Variants in FGA observed in about 807,000 individuals in gnomAD.
FGA encodes the protein fibrinogen alpha chain.
Under a neutral mutation model 20.3 loss-of-function variants are expected in FGA, and 20 were observed. The ratio of observed to expected loss-of-function variants is 0.99; its 90% confidence interval spans 0.69 to 1.43. FGA has a LOEUF of 1.43. Among genes scored for constraint, FGA ranks in the 40% most tolerant of loss-of-function variants. FGA has a pLI of 0.00. For missense variants in FGA, 777 were observed against 784.7 expected (o/e 0.99, Z 0.12); for synonymous variants, 306 against 281.6 (o/e 1.09, Z -0.87).
In FGA at chr4:154,590,570, T is replaced by G. The variant is rs1168276925; in HGVS notation, c.54+64A>C. 4 of 1,359,086 alleles carry G rather than the reference T, an allele frequency of 2.9e-6. No homozygotes were observed. The African/African-American group carries it at 5.8e-5, about 20-fold the overall frequency. 84.2% of individuals were successfully genotyped at this position (1,359,086 alleles called of 1,614,324 possible). A position where few individuals can be genotyped will look rare whatever the true frequency, so the allele number is the denominator to read the frequency against. On this transcript the variant is annotated intron_variant, in intron 1 of 4. Transcript: ENST00000403106. ...GACATAGAGCAGGTAGACTCTGACC[T>G]CCAGGCTCTTTGTGGAATAAACACC...
At chr4:154,588,017 A>G (rs773776789) in intron 3 of FGA, among the ~76,000 whole-genome samples, 1 of 152,232 alleles carries the variant, frequency 6.6e-6, no homozygotes, top group Non-Finnish European at 1.5e-5. Context: ...TAAAGGTGTA[A>G]TTTGGAGTTA....
rs1301255964 is a variant in FGA, at chr4:154,590,648, C to T, written c.40G>A (p.Val14Met). 2.6e-6 allele frequency: 4 copies of T among 1,558,280 alleles called. No individual in the cohort carries two copies. In the Admixed American group the frequency reaches 7.7e-5, roughly 30 times the overall value. ...AAGGGCCATACCCATGCTGTGCCCA[C>T]CACACTTAGGACCAGGCAGACGATC... The part of the protein sequence containing the change: ...MRIVCLVLSV[V>M]GTAWTADSGE... Residue 14 changes from valine (V) to methionine (M), a missense_variant, in exon 1 of 5, where the codon GTG becomes ATG. Val to Met is a conservative substitution (Grantham distance 21, BLOSUM62 1). Transcript: ENST00000403106.
At position 154,586,259 on chromosome 4, in the gene FGA, A is replaced by G. The variant is rs766734861; in HGVS notation, c.1170T>C (p.Ser390=). Residue 390 remains serine, a synonymous_variant, in exon 5 of 5, where the codon TCT becomes TCC. Coordinates refer to ENST00000403106, the MANE Select transcript of FGA (RefSeq NM_021871.4). ...CTGGGCTATCTGGCCTAAAACTTCC[A>G]GATTCAGAGTGCCATTGTCCAGTAC... ...SGSTGQWHSE[S]GSFRPDSPGS... is the part of the protein sequence containing the mutation. 6 of 1,614,012 alleles carry G rather than the reference A, an allele frequency of 3.7e-6. No individual in the cohort carries two copies. The highest frequency in any genetic ancestry group is 5.1e-6 in the Non-Finnish European group (6 of 1,179,968).
chr4:154,585,775 CA>C lies in FGA; in HGVS notation c.1653del (p.Gly552AlafsTer16), dbSNP rs773619297. On this transcript the variant is annotated frameshift_variant, in exon 5 of 5. Coordinates refer to ENST00000403106, the MANE Select transcript of FGA (RefSeq NM_021871.4). LOFTEE classifies it low-confidence loss of function (END_TRUNC). ...GATTCCTTTGTATTTGTGAAGATGC[CA>C]GATTCTGAGCCCCTAGACTCAGTCT... is the stretch of plus-strand genomic sequence containing the variant. ...VSETESRGSE[S>X]GIFTNTKESS... 55 of 1,614,138 alleles carry C rather than the reference CA, an allele frequency of 3.4e-5. No individual in the cohort carries two copies. In the Middle Eastern group the frequency reaches 3.1e-3, roughly 92 times the overall value.
chr4:154,587,756 A>AAAGAAAG, intron 3 of FGA, 99 bp from the exon 4 acceptor site: 1 of 501,038 alleles, frequency 2.0e-6, no homozygotes, highest in Non-Finnish European at 3.5e-6. Context: ...AGAAAGAAAG[A>AAAGAAAG]AAGAAAGAAA....
chr4:154,588,037 G>A (rs1351398604), intron 3 of FGA, among the ~76,000 whole-genome samples: 1 of 152,138 alleles, frequency 6.6e-6, no homozygotes, highest in African/African-American at 2.4e-5. Context: ...AAAATAGTTG[G>A]TTTGATTGCA....
Position 154,590,489 on chromosome 4 carries a change from G to A in FGA, c.54+145C>T, listed in dbSNP as rs1230424744. 4 of 726,508 alleles carry A rather than the reference G, an allele frequency of 5.5e-6. No individual in the cohort carries two copies. The East Asian group carries it at 8.1e-5, about 15-fold the overall frequency. 45.0% of individuals were successfully genotyped at this position (726,508 alleles called of 1,614,324 possible). On this transcript the variant is annotated intron_variant, in intron 1 of 4. Transcript: ENST00000403106. ...TTACCCTGTATTCTTGAGGTGTCAA[G>A]CCCACCCAGGAAATTTCCTCCCAGG...
At position 154,587,664 on chromosome 4, in the gene FGA, T is replaced by C. The variant is rs771930192; in HGVS notation, c.365-7A>G. The stretch of plus-strand genomic sequence containing the variant: ...TTGTAGGTATTATCACGGTCTGAAA[T>C]CGAAAATATGGTTATTGAAGTAGCT... On this transcript the variant is annotated splice_region_variant and splice_polypyrimidine_tract_variant and intron_variant, in intron 3 of 4. Transcript: ENST00000403106. 1 of 1,612,844 alleles carries C rather than the reference T, an allele frequency of 6.2e-7. No individual in the cohort carries two copies. Among genetic ancestry groups the C allele is most frequent in the Admixed American group, 1.7e-5 (1 of 59,870 alleles).
chr4:154,584,445 G>A (rs899420855), downstream of FGA: 95 of 1,614,012 alleles, frequency 5.9e-5, 1 homozygote, highest in Admixed American at 1.5e-3. Flanking sequence ...CACCCGCAGT[G>A]CCTTCATAGG....
chr4:154,587,785 A>T (rs1730771539), intron 3 of FGA, 128 bp from the exon 4 acceptor site: 1 of 724,600 alleles, frequency 1.4e-6, no homozygotes, highest in Non-Finnish European at 2.3e-6. Flanking sequence ...GAAAGAAAGA[A>T]AGAAAGAAAG....
chr4:154,584,367 G>A, downstream of FGA: 1 of 1,614,130 alleles, frequency 6.2e-7, no homozygotes. Context: ...TGTCAAAGGT[G>A]CTGAACTGCA....
chr4:154,584,913 G>A (rs943269329), downstream of FGA: 7 of 1,053,044 alleles, frequency 6.6e-6, no homozygotes, highest in Non-Finnish European at 1.0e-5. Context: ...GATTAAATAA[G>A]GCAAATACTG....
At position 154,587,559 on chromosome 4, in the gene FGA, GA is replaced by G; in HGVS notation, c.462del (p.Leu155CysfsTer12). On this transcript the variant is annotated frameshift_variant, in exon 4 of 5. Transcript: ENST00000403106. LOFTEE classifies it low-confidence loss of function (END_TRUNC). ...AACTGAGCTCTAACATTTTTCTGCA[GA>G]AGCTGGATATGCTGTACTTTTTCTA... ...KVIEKVQHIQ[L>X]LQKNVRAQLV... 6.2e-7 allele frequency: 1 copy of G among 1,613,988 alleles called. No homozygotes were observed. Among genetic ancestry groups the G allele is most frequent in the Non-Finnish European group, 8.5e-7 (1 of 1,179,972 alleles).
chr4:154,584,650 T>C (rs776352963), downstream of FGA: 15 of 1,614,040 alleles, frequency 9.3e-6, no homozygotes, highest in Admixed American at 5.0e-5. Flanking sequence ...ACCTCTCTTG[T>C]AGTCTTGCCA....
downstream of FGA, chr4:154,583,843 G>A (rs1730642108): frequency 2.5e-6 from 1 of 396,364 alleles, no homozygotes; most frequent in Non-Finnish European, 4.6e-6. Flanking sequence ...GCAGAGAGAA[G>A]CTTCTGTCTG....
At position 154,586,907 on chromosome 4, in the gene FGA, A is replaced by G. The variant is rs773677955; in HGVS notation, c.522T>C (p.Asp174=). The G allele has an allele frequency of 6.2e-7, 1 of 1,613,842 alleles. No individual in the cohort carries two copies. Among genetic ancestry groups the G allele is most frequent in the Non-Finnish European group, 8.5e-7 (1 of 1,179,966 alleles). The stretch of plus-strand genomic sequence containing the variant: ...ACCCTCGACAAGATCGGATCTTAAT[A>G]TCAATGTCCACCTAGAGAGAGGGGA... ...VDMKRLEVDI[D]IKIRSCRGSC... is the part of the protein sequence containing the mutation. Residue 174 remains aspartate (D), a synonymous_variant, in exon 5 of 5, where the codon GAT becomes GAC. Transcript: ENST00000403106.
intron 3 of FGA, 42 bp downstream of exon 3, chr4:154,588,751 G>A (rs1321296657): frequency 5.0e-6 from 7 of 1,392,620 alleles, no homozygotes; most frequent in Non-Finnish European, 2.0e-6. Context: ...GATTTTTGTT[G>A]TTTCTGTTAT....
downstream of FGA, chr4:154,584,362 A>G: frequency 6.2e-7 from 1 of 1,614,078 alleles, no homozygotes; most frequent in Non-Finnish European, 8.5e-7. Context: ...ATCCCTGTCA[A>G]AGGTGCTGAA....
chr4:154,590,519 G>T, intron 1 of FGA, 115 bp downstream of exon 1: 1 of 900,358 alleles, frequency 1.1e-6, no homozygotes, highest in East Asian at 2.6e-5. Flanking sequence ...CCCAGGCCTG[G>T]GGTCATAAAG....
Sources: gnomAD v4.1 joint callset for allele counts (sites outside exome capture counted in the v4.1 genomes callset) on GRCh38, gnomAD v4.1.1 for gene constraint, MANE v1.5 for transcripts, NCBI Gene and HGNC (gene_info 2026-07-23, HGNC 2026-07-21) for gene names.